The following NAAA variants were observed in gnomAD, a reference collection of about 807,000 sequenced individuals.
The protein encoded by NAAA is N-acylethanolamine acid amidase, also known as N-acylethanolamine-hydrolyzing acid amidase.
NAAA carries 39 observed loss-of-function variants against 44.8 expected under a neutral mutation model. The observed-to-expected ratio is 0.87, with a 90% CI of 0.67 to 1.14. The LOEUF is 1.14. Among genes scored for constraint, NAAA ranks in the 50% most tolerant of loss-of-function variants. The probability of loss-of-function intolerance (pLI) is 0.00; values close to 1 mark genes in which losing one functional copy is unlikely to be tolerated. For synonymous variants in NAAA, 178 were observed against 191.3 expected (o/e 0.93, Z 0.58); for missense variants, 460 against 467.8 (o/e 0.98, Z 0.15).
In NAAA at chr4:75,939,983, C is replaced by G. The variant is rs761866042; in HGVS notation, c.371+18G>C. On this transcript the variant is annotated intron_variant, in intron 2 of 10. Coordinates refer to ENST00000286733, the MANE Select transcript of NAAA (RefSeq NM_014435.4). The stretch of plus-strand genomic sequence containing the variant: ...CCCGCAAGCCCCGCGTTACTCCGCG[C>G]GGGCTTGGGGCACTCACACGGAGGA... 6.2e-7 allele frequency: 1 copy of G among 1,611,198 alleles called. No individual in the cohort carries two copies. Among genetic ancestry groups the G allele is most frequent in the Non-Finnish European group, 8.5e-7 (1 of 1,178,052 alleles).
chr4:75,910,676 GCTGA>G (rs1193454139), downstream of NAAA, among the ~76,000 whole-genome samples: 1 of 152,224 alleles, frequency 6.6e-6, no homozygotes, highest in Non-Finnish European at 1.5e-5. Flanking sequence ...TTCTGAGATA[GCTGA>G]CTATTTTCCA....
intron 3 of NAAA, among the ~76,000 whole-genome samples, chr4:75,933,467 T>C (rs1172255531): frequency 1.3e-5 from 2 of 152,094 alleles, no homozygotes; most frequent in Non-Finnish European, 2.9e-5. Context: ...AATGTAATTA[T>C]ATGGAAAATA....
chr4:75,913,685 T>G lies in NAAA; in HGVS notation c.*690A>C, dbSNP rs2149238325. ...TTTCTTGGAAATTTTTTTATTCTCC[T>G]TGCCAACATTTCTTTTGACATTTTA... On this transcript the variant is annotated 3_prime_UTR_variant, in exon 11 of 11. Transcript: ENST00000286733. 1.0e-6 allele frequency: 1 copy of G among 982,832 alleles called. No homozygotes were observed. 60.9% of individuals were successfully genotyped at this position (982,832 alleles called of 1,614,324 possible). A position where few individuals can be genotyped will look rare whatever the true frequency, so the allele number is the denominator to read the frequency against.
intron 4 of NAAA, among the ~76,000 whole-genome samples, chr4:75,927,166 A>G (rs1249216926): frequency 6.6e-6 from 1 of 152,064 alleles, no homozygotes; most frequent in Non-Finnish European, 1.5e-5. Flanking sequence ...TAAGATGGCT[A>G]CTATTGGCCA....
rs1355030068 is a variant in NAAA at position 75,919,957 on chromosome 4, G to A, written c.921C>T (p.Ala307=). 1 of 1,613,946 alleles carries A rather than the reference G, an allele frequency of 6.2e-7. No homozygotes were observed. The highest frequency in any genetic ancestry group is 8.5e-7 in the Non-Finnish European group (1 of 1,179,930). ...GGTTTGCTTGTCCTGTAGCATTAAG[G>A]GCCTTGATGGCAGATGTTCTGTAAG... ...EDDRRTSAIK[A]LNATGQANLS... The change falls in exon 8 of 11, where the codon GCC becomes GCT. Residue 307 remains alanine (A), a synonymous_variant. Transcript: ENST00000286733.
At position 75,913,888 on chromosome 4, in the gene NAAA, C is replaced by T; in HGVS notation, c.*487G>A. The T allele has an allele frequency of 1.0e-6, 1 of 985,304 alleles. No individual in the cohort carries two copies. Among genetic ancestry groups the T allele is most frequent in the Non-Finnish European group, 1.2e-6 (1 of 829,846 alleles). The allele number at this position is 985,304 out of a possible 1,614,324, so 61.0% of individuals were successfully genotyped here. A position where few individuals can be genotyped will look rare whatever the true frequency, so the allele number is the denominator to read the frequency against. ...CACATGATCAAAGATCAGACTAACA[C>T]ACATTCAAACAGGCTTGGTTCGAAA... is the stretch of plus-strand genomic sequence containing the variant. On this transcript the variant is annotated 3_prime_UTR_variant, in exon 11 of 11. Coordinates refer to ENST00000286733, the MANE Select transcript of NAAA (RefSeq NM_014435.4).
At chr4:75,922,162 C>T (rs942613912) in intron 5 of NAAA, among the ~76,000 whole-genome samples, 2 of 152,020 alleles carry the variant, frequency 1.3e-5, no homozygotes, top group Non-Finnish European at 2.9e-5. Context: ...GCAAAGGCTC[C>T]GTCATTCAGC....
chr4:75,912,901 C>T (rs1007235647), downstream of NAAA, among the ~76,000 whole-genome samples: 5 of 152,096 alleles, frequency 3.3e-5, no homozygotes, highest in South Asian at 6.2e-4. Context: ...GAAAATTAAA[C>T]GGTATTTATA....
At position 75,920,056 on chromosome 4, in the gene NAAA, T is replaced by A. The variant is rs1004404508; in HGVS notation, c.903-81A>T. ...CAGCTGTCATTTTTGGGAGGCAGAA[T>A]GCAAGCTCCAGTCTCATTATCTCCC... On this transcript the variant is annotated intron_variant, in intron 7 of 10. Coordinates refer to ENST00000286733, the MANE Select transcript of NAAA (RefSeq NM_014435.4). The A allele has an allele frequency of 1.0e-5, 13 of 1,254,256 alleles. 1 individual carries two copies. Among genetic ancestry groups the A allele is most frequent in the Non-Finnish European group, 1.3e-5 (11 of 854,858 alleles). The allele number at this position is 1,254,256 out of a possible 1,614,324, so 77.7% of individuals were successfully genotyped here. A position where few individuals can be genotyped will look rare whatever the true frequency, so the allele number is the denominator to read the frequency against.
chr4:75,921,163 C>T (rs1237040763), intron 5 of NAAA, 40 bp from the exon 6 acceptor site: 1 of 1,529,508 alleles, frequency 6.5e-7, no homozygotes, highest in Non-Finnish European at 8.8e-7. Context: ...ACCCCACCTG[C>T]AGTTGGGTCC....
chr4:75,925,958 A>G (rs879526959), intron 4 of NAAA, 147 bp from the exon 5 acceptor site: 4 of 717,720 alleles, frequency 5.6e-6, no homozygotes, highest in Non-Finnish European at 9.4e-6. Context: ...AATGATAGTT[A>G]TGTCAAAGGA....
At chr4:75,922,353 G>C (rs1349347279) in intron 5 of NAAA, among the ~76,000 whole-genome samples, 1 of 150,636 alleles carries the variant, frequency 6.6e-6, no homozygotes, top group Admixed American at 6.6e-5. Context: ...ACTCCAGCCT[G>C]GGTGACAGAG....
chr4:75,911,705 G>C (rs930008004), downstream of NAAA, among the ~76,000 whole-genome samples: 14 of 152,300 alleles, frequency 9.2e-5, no homozygotes, highest in Middle Eastern at 3.4e-3. Flanking sequence ...TGCTATAGTA[G>C]TGATGTTCTC....
intron 2 of NAAA, among the ~76,000 whole-genome samples, chr4:75,938,401 G>C (rs1258021587): frequency 6.6e-6 from 1 of 152,186 alleles, no homozygotes; most frequent in Non-Finnish European, 1.5e-5. Flanking sequence ...ATTTTTCATT[G>C]AGAAAGCTGT....
intron 5 of NAAA, among the ~76,000 whole-genome samples, chr4:75,924,506 G>T (rs1195617783): frequency 2.0e-5 from 3 of 152,304 alleles, no homozygotes; most frequent in African/African-American, 7.2e-5. Context: ...CAAGAATAAG[G>T]GGAGACTACT....
intron 5 of NAAA, among the ~76,000 whole-genome samples, chr4:75,922,378 A>C (rs1263460200): frequency 1.4e-5 from 1 of 70,176 alleles, no homozygotes; most frequent in African/African-American, 5.3e-5. Flanking sequence ...ACCCTGTCTC[A>C]AAAAAAAAAA....
chr4:75,928,961 G>GT (rs556368814), intron 4 of NAAA, among the ~76,000 whole-genome samples: 48,555 of 143,328 alleles, frequency 0.34, 8,514 homozygotes, highest in Non-Finnish European at 0.38. Context: ...CTAAATTTGT[G>GT]TTTTTTTTTT....
Position 75,921,096 on chromosome 4 carries a change from C to A in NAAA, c.694G>T (p.Ala232Ser). The change falls in exon 6 of 11, where the codon GCA becomes TCA. Residue 232 changes from alanine (A) to serine (S), a missense_variant. Coordinates refer to ENST00000286733, the MANE Select transcript of NAAA (RefSeq NM_014435.4). Reference protein sequence around the residue: ...ATLSESENFEAAVGKLAKTPL... With the variant: ...ATLSESENFESAVGKLAKTPL... ...GTCTTGGCCAACTTGCCAACAGCTG[C>A]TTCGAAGTTTTCCGACTCACTCAGG... The A allele has an allele frequency of 1.9e-6, 3 of 1,583,992 alleles. No homozygotes were observed. Among genetic ancestry groups the A allele is most frequent in the Non-Finnish European group, 1.7e-6 (2 of 1,170,864 alleles).
intron 9 of NAAA, among the ~76,000 whole-genome samples, chr4:75,915,302 T>G (rs906180161): frequency 6.6e-6 from 1 of 152,038 alleles, no homozygotes; most frequent in Non-Finnish European, 1.5e-5. Context: ...TGAGCTGAGA[T>G]TGCGCCACTG....
Sources: gnomAD v4.1 joint callset for allele counts (sites outside exome capture counted in the v4.1 genomes callset) on GRCh38, gnomAD v4.1.1 for gene constraint, MANE v1.5 for transcripts, NCBI Gene and HGNC (gene_info 2026-07-23, HGNC 2026-07-21) for gene names.